The following TSC22D2 variants were observed in gnomAD, a reference collection of about 807,000 sequenced individuals.
The protein encoded by TSC22D2 is TSC22 domain family protein 2.
In TSC22D2, 5 loss-of-function variants were observed where a neutral mutation model predicts 50.1. The observed-to-expected ratio is 0.10, with a 90% CI of 0.05 to 0.21. The LOEUF (loss-of-function observed/expected upper bound fraction) is 0.21. TSC22D2 is among the 10% of genes least tolerant of loss of function. The probability of loss-of-function intolerance (pLI) is 1.00; values close to 1 mark genes in which losing one functional copy is unlikely to be tolerated. For missense variants in TSC22D2, 1,003 were observed against 1,015.5 expected (o/e 0.99, Z 0.17); for synonymous variants, 501 against 450.1 (o/e 1.11, Z -1.43).
chr3:150,430,450 TA>T (rs887775451), intron 1 of TSC22D2, among the ~76,000 whole-genome samples: 1 of 152,122 alleles, frequency 6.6e-6, no homozygotes, highest in Non-Finnish European at 1.5e-5. Context: ...TTGGTCATGA[TA>T]GGGGAGCAGT....
At chr3:150,458,239 C>G in intron 2 of TSC22D2, 137 bp from the exon 3 acceptor site, 1 of 889,456 alleles carries the variant, frequency 1.1e-6, no homozygotes, top group Non-Finnish European at 1.7e-6. Flanking sequence ...TCCATAGGCT[C>G]GGTCAAGATA....
chr3:150,448,455 G>C (rs985044508), intron 1 of TSC22D2, among the ~76,000 whole-genome samples: 8 of 152,130 alleles, frequency 5.3e-5, no homozygotes, highest in Non-Finnish European at 8.8e-5. Context: ...CTGCACTCCA[G>C]CCTGGGCATC....
Position 150,460,378 on chromosome 3 carries a change from CA to C in TSC22D2, c.*1743del, listed in dbSNP as rs1162704258. 1 of 152,176 alleles carries C rather than the reference CA, an allele frequency of 6.6e-6. No individual in the cohort carries two copies. The highest frequency in any genetic ancestry group is 1.5e-5 in the Non-Finnish European group (1 of 68,024). The allele number at this position is 152,176 out of a possible 1,614,324, so 9.4% of individuals were successfully genotyped here. On this transcript the variant is annotated 3_prime_UTR_variant, in exon 3 of 3. Transcript: ENST00000688009. ...TGCCTGTAGAAATTAACATGCACTG[CA>C]TCTGTAGCCAGCTAGCTAATCAGAG...
Position 150,461,107 on chromosome 3 carries a change from T to C in TSC22D2, c.*2471T>C, listed in dbSNP as rs1295645805. ...AAAGACAGGCTTTCCTGTGTACTTT[T>C]AGAAAGTAATTTGGCAGTATGTATC... On this transcript the variant is annotated 3_prime_UTR_variant, in exon 3 of 3. Coordinates refer to ENST00000688009, the MANE Select transcript of TSC22D2 (RefSeq NM_001303264.2). 2 of 152,200 alleles carry C rather than the reference T, an allele frequency of 1.3e-5. No individual in the cohort carries two copies. The highest frequency in any genetic ancestry group is 1.5e-5 in the Non-Finnish European group (1 of 68,030). 9.4% of individuals were successfully genotyped at this position (152,200 alleles called of 1,614,324 possible).
Position 150,460,855 on chromosome 3 carries a change from G to A in TSC22D2, c.*2219G>A, listed in dbSNP as rs1721376981. On this transcript the variant is annotated 3_prime_UTR_variant, in exon 3 of 3. Transcript: ENST00000688009. ...GCTGGAAAAACACTTCATAAACAAA[G>A]TAATAGTCTCCAAGGAAATGAATAA... 1.3e-5 allele frequency: 2 copies of A among 151,508 alleles called. No individual in the cohort carries two copies. The highest frequency in any genetic ancestry group is 2.9e-5 in the Non-Finnish European group (2 of 67,858). 9.4% of individuals were successfully genotyped at this position (151,508 alleles called of 1,614,324 possible).
At chr3:150,444,473 C>A (rs1336068472) in intron 1 of TSC22D2, among the ~76,000 whole-genome samples, 1 of 151,894 alleles carries the variant, frequency 6.6e-6, no homozygotes, top group Non-Finnish European at 1.5e-5. Flanking sequence ...TTGATAAAGA[C>A]AAAAAAATTA....
In TSC22D2 at chr3:150,411,053, C is replaced by T. The variant is rs1194465278; in HGVS notation, c.1703C>T (p.Ala568Val). ...GLPLAPGTHS[A>V]PTSLPQSDLS... Reference sequence around the variant, plus strand: ...CCCTTAGCGCCAGGCACACACAGCGCACCAACAAGTCTACCACAGTCTGAC... The same window carrying T: ...CCCTTAGCGCCAGGCACACACAGCGTACCAACAAGTCTACCACAGTCTGAC... The change falls in exon 1 of 3, where the codon GCA becomes GTA. Residue 568 changes from alanine (A) to valine (V), a missense_variant. Ala to Val is a moderately conservative substitution (Grantham distance 64, BLOSUM62 0). Around this residue, in one of 6 missense-constraint regions of TSC22D2, gnomAD observed 696 missense variants for 647.8 expected, o/e 1.07. Coordinates refer to ENST00000688009, the MANE Select transcript of TSC22D2 (RefSeq NM_001303264.2). 2 of 1,614,098 alleles carry T rather than the reference C, an allele frequency of 1.2e-6. No homozygotes were observed. Among genetic ancestry groups the T allele is most frequent in the African/African-American group, 2.7e-5 (2 of 74,948 alleles).
intron 1 of TSC22D2, among the ~76,000 whole-genome samples, chr3:150,426,729 A>C (rs1720204183): frequency 6.6e-6 from 1 of 152,308 alleles, no homozygotes; most frequent in South Asian, 2.1e-4. Context: ...TGATAGCACC[A>C]GTATTTAGAG....
intron 1 of TSC22D2, among the ~76,000 whole-genome samples, chr3:150,429,164 A>G (rs1415331148): frequency 2.0e-5 from 3 of 152,102 alleles, no homozygotes; most frequent in Admixed American, 1.3e-4. Context: ...GAGGCAGTAA[A>G]TGTTGATCTG....
intron 1 of TSC22D2, among the ~76,000 whole-genome samples, chr3:150,437,680 T>C (rs1159266707): frequency 6.6e-6 from 1 of 150,652 alleles, no homozygotes; most frequent in African/African-American, 2.4e-5. Flanking sequence ...TGGTGGCACG[T>C]GCCTGTAATC....
At chr3:150,452,486 T>C (rs1458996627) in intron 1 of TSC22D2, among the ~76,000 whole-genome samples, 1 of 152,204 alleles carries the variant, frequency 6.6e-6, no homozygotes, top group East Asian at 1.9e-4. Flanking sequence ...GATTACCTTT[T>C]TCTTTAGTGA....
At position 150,410,668 on chromosome 3, in the gene TSC22D2, C is replaced by G. The variant is rs1417099599; in HGVS notation, c.1318C>G (p.Arg440Gly). ...SSQPSEAMAP[R>G]TGPAQGGQVA... ...CCAGCCCAGCGAAGCCATGGCCCCC[C>G]GGACGGGACCAGCGCAAGGCGGGCA... is the stretch of plus-strand genomic sequence containing the variant. Residue 440 changes from arginine to glycine, a missense_variant, in exon 1 of 3, where the codon CGG (arginine) becomes GGG (glycine). By Grantham distance (125) the Arg-to-Gly change is moderately radical. Around this residue, in one of 6 missense-constraint regions of TSC22D2, gnomAD observed 696 missense variants for 647.8 expected, o/e 1.07. Coordinates refer to ENST00000688009, the MANE Select transcript of TSC22D2 (RefSeq NM_001303264.2). 1 of 1,555,952 alleles carries G rather than the reference C, an allele frequency of 6.4e-7. No individual in the cohort carries two copies. Among genetic ancestry groups the G allele is most frequent in the Non-Finnish European group, 8.7e-7 (1 of 1,152,842 alleles).
At chr3:150,412,571 C>G in intron 1 of TSC22D2, among the ~76,000 whole-genome samples, 1 of 152,156 alleles carries the variant, frequency 6.6e-6, no homozygotes, top group Non-Finnish European at 1.5e-5. Context: ...ATTCATTCAT[C>G]TTCTCTGCTT....
At chr3:150,440,673 T>TCTA (rs71138444) in intron 1 of TSC22D2, among the ~76,000 whole-genome samples, 120,135 of 151,700 alleles carry the variant, frequency 0.79, 48,420 homozygotes, top group African/African-American at 0.93. Context: ...TGCGAATAAT[T>TCTA]CTGAGAAACC....
intron 1 of TSC22D2, chr3:150,423,061 T>A: frequency 6.2e-7 from 1 of 1,613,258 alleles, no homozygotes; most frequent in Non-Finnish European, 8.5e-7. Context: ...ATCCTTCAAC[T>A]GCTTTCTACC....
chr3:150,443,608 T>G (rs1720786915), intron 1 of TSC22D2, among the ~76,000 whole-genome samples: 1 of 152,232 alleles, frequency 6.6e-6, no homozygotes, highest in Non-Finnish European at 1.5e-5. Flanking sequence ...CTCCTGGATC[T>G]AGTTTACATA....
intron 1 of TSC22D2, among the ~76,000 whole-genome samples, chr3:150,437,230 T>C (rs1391011437): frequency 6.6e-6 from 1 of 152,170 alleles, no homozygotes; most frequent in Non-Finnish European, 1.5e-5. Flanking sequence ...AACAGGATAT[T>C]TTTAATGAAG....
At position 150,409,410 on chromosome 3, in the gene TSC22D2, C is replaced by A. The variant is rs146870838; in HGVS notation, c.60C>A (p.Ala20=). 6.2e-7 allele frequency: 1 copy of A among 1,612,792 alleles called. No individual in the cohort carries two copies. Among genetic ancestry groups the A allele is most frequent in the African/African-American group, 1.3e-5 (1 of 74,908 alleles). Residue 20 remains alanine (A), a synonymous_variant, in exon 1 of 3, where the codon GCC becomes GCA. Coordinates refer to ENST00000688009, the MANE Select transcript of TSC22D2 (RefSeq NM_001303264.2). The surrounding 1 kb of genome is among the most constrained non-coding windows in gnomAD (Gnocchi z 7.4). ...SCFQITSVTT[A]QVATSITEDT... ...TCCAGATCACCAGTGTCACCACGGC[C>A]CAGGTGGCCACTAGCATCACCGAGG... is the stretch of plus-strand genomic sequence containing the variant.
Position 150,409,805 on chromosome 3 carries a change from C to T in TSC22D2, c.455C>T (p.Ser152Phe), listed in dbSNP as rs759574717. The change falls in exon 1 of 3, where the codon TCT (serine) becomes TTT (phenylalanine). Residue 152 changes from serine to phenylalanine, a missense_variant. Physicochemically the swap from Ser to Phe is radical, Grantham distance 155. Coordinates refer to ENST00000688009, the MANE Select transcript of TSC22D2 (RefSeq NM_001303264.2). The surrounding 1 kb of genome is among the most constrained non-coding windows in gnomAD (Gnocchi z 7.4). Reference sequence around the variant, plus strand: ...GCCGGGCCAGTGACTGCAGCCCCATCTCAGCCTCCCACCACATGTAGTTCC... The same window carrying T: ...GCCGGGCCAGTGACTGCAGCCCCATTTCAGCCTCCCACCACATGTAGTTCC... ...SSAGPVTAAPSQPPTTCSSRF... is the reference protein window; with the variant it reads ...SSAGPVTAAPFQPPTTCSSRF... The T allele has an allele frequency of 3.9e-5, 63 of 1,603,810 alleles. No individual in the cohort carries two copies. Among genetic ancestry groups the T allele is most frequent in the Non-Finnish European group, 5.2e-5 (61 of 1,179,960 alleles).
Sources: allele counts gnomAD v4.1 joint callset (sites outside exome capture counted in the v4.1 genomes callset), GRCh38; gene constraint gnomAD v4.1.1; regional missense constraint gnomAD v4.1.1; non-coding constraint Gnocchi (gnomAD v3.1); transcripts MANE v1.5; gene names NCBI Gene and HGNC (gene_info 2026-07-23, HGNC 2026-07-21).